The following FGFR1OP2 variants were observed in gnomAD, a reference collection of about 807,000 sequenced individuals.
The protein encoded by FGFR1OP2 is FGFR1 oncogene partner 2.
A neutral mutation model predicts 35.2 loss-of-function variants in FGFR1OP2; 17 were observed. The observed-to-expected ratio is 0.48, with a 90% CI of 0.33 to 0.73. FGFR1OP2 has a LOEUF of 0.73. Ranked by LOEUF, FGFR1OP2 falls within the 30% of genes least tolerant of loss-of-function variation. The pLI is 0.02. For missense variants in FGFR1OP2, 251 were observed against 307.3 expected (o/e 0.82, Z 1.37); for synonymous variants, 105 against 104.6 (o/e 1.00, Z -0.03).
At chr12:26,957,928 A>G (rs1481798780) in intron 4 of FGFR1OP2, 185 bp downstream of exon 4, 2 of 476,118 alleles carry the variant, frequency 4.2e-6, no homozygotes, top group African/African-American at 2.0e-5. Flanking sequence ...GTTATATATC[A>G]TTTTCTGTTT....
chr12:26,959,668 A>G (rs1056582932), intron 4 of FGFR1OP2, among the ~76,000 whole-genome samples: 1 of 152,206 alleles, frequency 6.6e-6, no homozygotes. Flanking sequence ...TTTATTATGT[A>G]GATTGAATTC....
chr12:26,953,825 AAAT>A (rs1378707876), intron 1 of FGFR1OP2: 1 of 162,570 alleles, frequency 6.2e-6, no homozygotes, highest in Admixed American at 6.4e-5. Context: ...CATAAAGGGC[AAAT>A]TTCTATATAA....
chr12:26,950,858 T>G (rs1321918122), intron 1 of FGFR1OP2, among the ~76,000 whole-genome samples: 1 of 152,210 alleles, frequency 6.6e-6, no homozygotes, highest in Non-Finnish European at 1.5e-5. Flanking sequence ...ACTTCTTGAG[T>G]TATGGAATCA....
chr12:26,945,882 A>G (rs956914204), intron 1 of FGFR1OP2, among the ~76,000 whole-genome samples: 1 of 151,394 alleles, frequency 6.6e-6, no homozygotes, highest in Non-Finnish European at 1.5e-5. Flanking sequence ...AAAAAAAAGC[A>G]TAATTTGTAT....
rs1317842543 is a variant in FGFR1OP2, at chr12:26,949,027, T to A, written c.-14-5118T>A. Among the ~76,000 whole-genome samples, 3 of 152,104 alleles carry A rather than the reference T, an allele frequency of 2.0e-5. 1 individual carries two copies. On this transcript the variant is annotated intron_variant, in intron 1 of 6. Coordinates refer to ENST00000229395, the MANE Select transcript of FGFR1OP2 (RefSeq NM_015633.3). ...CTAAAAATAACTAAACTTAAAAAAATAATAATAAATATTTCTAAACCATGG... is the reference window on the plus strand; with the variant it reads ...CTAAAAATAACTAAACTTAAAAAAAAAATAATAAATATTTCTAAACCATGG...
intron 1 of FGFR1OP2, among the ~76,000 whole-genome samples, chr12:26,943,076 T>C (rs1938762266): frequency 6.6e-6 from 1 of 152,228 alleles, no homozygotes; most frequent in East Asian, 1.9e-4. Flanking sequence ...TTATTGTTTT[T>C]AATTTTATAT....
chr12:26,949,687 T>C (rs1328413872), intron 1 of FGFR1OP2, among the ~76,000 whole-genome samples: 1 of 152,132 alleles, frequency 6.6e-6, no homozygotes, highest in Non-Finnish European at 1.5e-5. Flanking sequence ...CAAGCGATTC[T>C]CCTGTCTCAG....
At chr12:26,952,637 C>T (rs1938950732) in intron 1 of FGFR1OP2, among the ~76,000 whole-genome samples, 2 of 148,824 alleles carry the variant, frequency 1.3e-5, no homozygotes, top group Non-Finnish European at 3.0e-5. Flanking sequence ...ATATTTTATA[C>T]TGTTGAGTTA....
chr12:26,948,177 A>G (rs892618724), intron 1 of FGFR1OP2, among the ~76,000 whole-genome samples: 12 of 152,174 alleles, frequency 7.9e-5, no homozygotes, highest in African/African-American at 2.9e-4. Context: ...TAAATGTTAT[A>G]ATTCTTGTTT....
intron 1 of FGFR1OP2, among the ~76,000 whole-genome samples, chr12:26,947,956 T>C (rs189391673): frequency 1.4e-4 from 22 of 152,296 alleles, no homozygotes; most frequent in African/African-American, 5.3e-4. Flanking sequence ...TTTCAATTAA[T>C]CTATTGTAGT....
At chr12:26,964,508 A>G (rs1939146024) in intron 6 of FGFR1OP2, 88 bp from the exon 7 acceptor site, 2 of 1,446,716 alleles carry the variant, frequency 1.4e-6, no homozygotes, top group Admixed American at 3.8e-5. Context: ...TTATACCTTC[A>G]TATGTTCAGT....
intron 1 of FGFR1OP2, among the ~76,000 whole-genome samples, chr12:26,949,012 C>T (rs1311437196): frequency 6.6e-6 from 1 of 152,056 alleles, no homozygotes; most frequent in Admixed American, 6.6e-5. Flanking sequence ...CTAAAAATAA[C>T]TAAACTTAAA....
At chr12:26,950,384 G>A (rs1384675753) in intron 1 of FGFR1OP2, among the ~76,000 whole-genome samples, 3 of 151,528 alleles carry the variant, frequency 2.0e-5, no homozygotes, top group African/African-American at 4.9e-5. Context: ...CACTACGCCC[G>A]GCTAATTTTT....
At chr12:26,956,741 C>G in intron 3 of FGFR1OP2, 81 bp downstream of exon 3, 1 of 629,984 alleles carries the variant, frequency 1.6e-6, no homozygotes, top group Non-Finnish European at 2.6e-6. Flanking sequence ...TATCCTGTCC[C>G]ACATATGAAC....
At chr12:26,964,473 G>A in intron 6 of FGFR1OP2, 123 bp from the exon 7 acceptor site, 1 of 1,000,364 alleles carries the variant, frequency 1.0e-6, no homozygotes, top group Non-Finnish European at 1.4e-6. Context: ...GTAGATTAAT[G>A]CCAATTACAG....
intron 1 of FGFR1OP2, among the ~76,000 whole-genome samples, chr12:26,945,509 T>C (rs994595959): frequency 1.3e-5 from 2 of 152,200 alleles, no homozygotes; most frequent in Admixed American, 1.3e-4. Flanking sequence ...TGTTTGGAGA[T>C]TTTTCTTGTT....
At chr12:26,953,656 C>G (rs1938973607) in intron 1 of FGFR1OP2, 1 of 152,184 alleles carries the variant, frequency 6.6e-6, no homozygotes. Flanking sequence ...GCCACTTCGG[C>G]TGGTCAGCAG....
At position 26,942,038 on chromosome 12, in the gene FGFR1OP2, T is replaced by G. The variant is rs530326816; in HGVS notation, c.-15+3328T>G. Among the ~76,000 whole-genome samples, 203 of 152,062 alleles carry G rather than the reference T, an allele frequency of 1.3e-3. 2 individuals carry two copies. The highest frequency in any genetic ancestry group is 1.4e-3 in the Non-Finnish European group (94 of 67,948). On this transcript the variant is annotated intron_variant, in intron 1 of 6. Coordinates refer to ENST00000229395, the MANE Select transcript of FGFR1OP2 (RefSeq NM_015633.3). ...GTGCTGTCATTCAGCTTTGTTGGTTTGTTTGTTTGTTTGTGATGGAATCTT... is the reference window on the plus strand; with the variant it reads ...GTGCTGTCATTCAGCTTTGTTGGTTGGTTTGTTTGTTTGTGATGGAATCTT...
rs939009521 is a variant in FGFR1OP2, at chr12:26,964,827, C to T, written c.*94C>T. On this transcript the variant is annotated 3_prime_UTR_variant, in exon 7 of 7. Transcript: ENST00000229395. ...AGAAAATTCAATCCTTTATTTTTTT[C>T]TCTGTAAATATGTACAGTGCACGGG... is the stretch of plus-strand genomic sequence containing the variant. The T allele has an allele frequency of 1.8e-5, 26 of 1,427,764 alleles. No homozygotes were observed. Among genetic ancestry groups the T allele is most frequent in the Non-Finnish European group, 2.1e-5 (22 of 1,045,994 alleles). The allele number at this position is 1,427,764 out of a possible 1,614,324, so 88.4% of individuals were successfully genotyped here.
Sources: allele counts gnomAD v4.1 joint callset (sites outside exome capture counted in the v4.1 genomes callset), GRCh38; gene constraint gnomAD v4.1.1; transcripts MANE v1.5; gene names NCBI Gene and HGNC (gene_info 2026-07-23, HGNC 2026-07-21).